Variants in ENTREP2 observed in about 807,000 individuals in gnomAD.
The protein encoded by ENTREP2 is endosomal transmembrane epsin interactor 2.
chr15:29,533,876 C>G, the ENTREP2 span, among the ~76,000 whole-genome samples: 1 of 152,006 alleles, frequency 6.6e-6, no homozygotes, highest in Non-Finnish European at 1.5e-5. Flanking sequence ...ACAGCAGACC[C>G]CAGTAGGCCC....
the ENTREP2 span, among the ~76,000 whole-genome samples, chr15:29,159,350 C>T: frequency 2.0e-5 from 3 of 152,238 alleles, no homozygotes; most frequent in Middle Eastern, 3.4e-3. Flanking sequence ...TGTTACAGCT[C>T]ATAAAGGCAA....
At chr15:29,193,230 C>G in the ENTREP2 span, among the ~76,000 whole-genome samples, 1 of 152,170 alleles carries the variant, frequency 6.6e-6, no homozygotes, top group Non-Finnish European at 1.5e-5. Context: ...CTGGGTGTGT[C>G]TGTGAGGGTG....
the ENTREP2 span, among the ~76,000 whole-genome samples, chr15:29,520,270 T>C: frequency 6.6e-6 from 1 of 152,212 alleles, no homozygotes; most frequent in East Asian, 1.9e-4. Context: ...TCTGAAGTGT[T>C]ATTGAAGAAC....
At chr15:29,274,256 A>C in the ENTREP2 span, among the ~76,000 whole-genome samples, 7 of 152,114 alleles carry the variant, frequency 4.6e-5, no homozygotes, top group Non-Finnish European at 1.0e-4. Flanking sequence ...CCCACAACAA[A>C]CCTATCAGGC....
At chr15:29,598,911 T>C in the ENTREP2 span, among the ~76,000 whole-genome samples, 1 of 152,140 alleles carries the variant, frequency 6.6e-6, no homozygotes, top group Non-Finnish European at 1.5e-5. Context: ...TTAGCCAGGA[T>C]GGTCTCGGTC....
At chr15:29,627,860 T>C in the ENTREP2 span, among the ~76,000 whole-genome samples, 1 of 152,226 alleles carries the variant, frequency 6.6e-6, no homozygotes. Flanking sequence ...GTTCATCGTA[T>C]GTATGTGCCA....
At chr15:29,460,151 C>A in the ENTREP2 span, among the ~76,000 whole-genome samples, 1 of 151,696 alleles carries the variant, frequency 6.6e-6, no homozygotes, top group Non-Finnish European at 1.5e-5. Context: ...ACTCAAGATG[C>A]TGAGGCAAGA....
At chr15:29,424,410 C>T in the ENTREP2 span, among the ~76,000 whole-genome samples, 3 of 152,064 alleles carry the variant, frequency 2.0e-5, no homozygotes, top group East Asian at 1.9e-4. Flanking sequence ...TATAGAGTGC[C>T]GATTGGTGCA....
chr15:29,149,715 C>G, the ENTREP2 span, among the ~76,000 whole-genome samples: 1 of 152,214 alleles, frequency 6.6e-6, no homozygotes, highest in Non-Finnish European at 1.5e-5. Flanking sequence ...CATGGCCACC[C>G]TCTGAATCCA....
chr15:29,667,430 T>C, the ENTREP2 span, among the ~76,000 whole-genome samples: 30,153 of 149,840 alleles, frequency 0.2, 5,112 homozygotes, highest in African/African-American at 0.47. Flanking sequence ...CCTCATGATC[T>C]GCCCATCTTG....
At chr15:29,155,474 C>T in the ENTREP2 span, among the ~76,000 whole-genome samples, 4 of 152,110 alleles carry the variant, frequency 2.6e-5, no homozygotes, top group Admixed American at 6.5e-5. Context: ...TTCCCAGACT[C>T]AGGTCGTTTC....
the ENTREP2 span, among the ~76,000 whole-genome samples, chr15:29,189,416 CTTGCT>C: frequency 5.9e-3 from 792 of 133,150 alleles, 1 homozygote; most frequent in Admixed American, 0.011. Flanking sequence ...TGGAAATTGT[CTTGCT>C]TTTTTTTTTT....
the ENTREP2 span, among the ~76,000 whole-genome samples, chr15:29,230,342 C>T: frequency 6.6e-6 from 1 of 152,116 alleles, no homozygotes; most frequent in African/African-American, 2.4e-5. Context: ...ATCCCTACAG[C>T]TCTTAAATAA....
At chr15:29,310,043 A>T in the ENTREP2 span, among the ~76,000 whole-genome samples, 4 of 152,092 alleles carry the variant, frequency 2.6e-5, no homozygotes, top group Non-Finnish European at 4.4e-5. Flanking sequence ...TCATGAGATG[A>T]GCCAGACAAA....
the ENTREP2 span, among the ~76,000 whole-genome samples, chr15:29,305,289 T>C: frequency 6.6e-6 from 1 of 152,210 alleles, no homozygotes; most frequent in Non-Finnish European, 1.5e-5. Context: ...GCACAATGAG[T>C]TCAGAAGACT....
At chr15:29,307,233 A>C in the ENTREP2 span, among the ~76,000 whole-genome samples, 1 of 152,222 alleles carries the variant, frequency 6.6e-6, no homozygotes, top group Non-Finnish European at 1.5e-5. Flanking sequence ...CTGACGAAAT[A>C]GGAAAATTTG....
the ENTREP2 span, among the ~76,000 whole-genome samples, chr15:29,235,703 C>G: frequency 6.6e-6 from 1 of 152,156 alleles, no homozygotes; most frequent in Non-Finnish European, 1.5e-5. Context: ...TGTTAGCTCA[C>G]GCCTGTAAAC....
the ENTREP2 span, among the ~76,000 whole-genome samples, chr15:29,329,382 T>C: frequency 6.6e-6 from 1 of 150,792 alleles, no homozygotes; most frequent in African/African-American, 2.4e-5. Context: ...AAAAAAAGTA[T>C]GAATTGTTCA....
chr15:29,576,444 T>C, the ENTREP2 span, among the ~76,000 whole-genome samples: 1 of 152,210 alleles, frequency 6.6e-6, no homozygotes. Context: ...AAGAGAAGTA[T>C]GAGCAATGAA....
Sources: gnomAD v4.1 joint callset for allele counts (sites outside exome capture counted in the v4.1 genomes callset) on GRCh38, gnomAD v4.1.1 for gene constraint, MANE v1.5 for transcripts, NCBI Gene and HGNC (gene_info 2026-07-23, HGNC 2026-07-21) for gene names.